NSD3: variants seen among roughly 807,000 people sequenced by gnomAD.
The protein encoded by NSD3 is histone-lysine N-methyltransferase NSD3.
Under a neutral mutation model 160.8 loss-of-function variants are expected in NSD3, and 24 were observed. That is an observed-to-expected ratio of 0.15 (90% CI 0.11 to 0.21). NSD3 has a LOEUF of 0.21. Ranked by LOEUF, NSD3 falls within the 10% of genes least tolerant of loss-of-function variation. The probability of loss-of-function intolerance (pLI) is 1.00; values close to 1 mark genes in which losing one functional copy is unlikely to be tolerated. For missense variants in NSD3, 1,157 were observed against 1,735.9 expected, an observed-to-expected ratio of 0.67 and a Z score of 5.93; for synonymous variants, 520 against 600.0, an observed-to-expected ratio of 0.87 and a Z score of 1.95.
chr8:38,343,289 T>C (rs1476131872), intron 2 of NSD3, among the ~76,000 whole-genome samples: 1 of 152,160 alleles, frequency 6.6e-6, no homozygotes, highest in Admixed American at 6.5e-5. Flanking sequence ...AGTAAAATCA[T>C]AGTCCCTAAA....
chr8:38,283,788 A>G (rs1251068041), intron 19 of NSD3, among the ~76,000 whole-genome samples: 3 of 152,086 alleles, frequency 2.0e-5, no homozygotes, highest in Non-Finnish European at 2.9e-5. Flanking sequence ...TATCTACTGT[A>G]TAAGCTATGA....
chr8:38,280,969 TG>T (rs2130984402), intron 20 of NSD3, among the ~76,000 whole-genome samples: 2 of 152,226 alleles, frequency 1.3e-5, no homozygotes, highest in South Asian at 4.2e-4. Flanking sequence ...TTGCACAGGC[TG>T]GTCTCAAACT....
chr8:38,317,855 C>A lies in NSD3; in HGVS notation c.1855+1040G>T. 6.5e-7 allele frequency: 1 copy of A among 1,548,192 alleles called. No homozygotes were observed. Among genetic ancestry groups the A allele is most frequent in the Non-Finnish European group, 8.7e-7 (1 of 1,145,788 alleles). The stretch of plus-strand genomic sequence containing the variant: ...TGCCAATAATGATGATTGGCGAAAT[C>A]AAAATCGAAAACAAAGAAACTGTTT... On this transcript the variant is annotated intron_variant, in intron 9 of 23. Transcript: ENST00000317025. This position sits in a 1 kb window ranked among gnomAD's most constrained non-coding sequence, Gnocchi z 5.3.
At chr8:38,278,562 G>T in intron 21 of NSD3, 150 bp from the exon 22 acceptor site, 1 of 600,442 alleles carries the variant, frequency 1.7e-6, no homozygotes, top group South Asian at 2.5e-5. Flanking sequence ...TAACAGTGAT[G>T]GTAAAAAAAG....
chr8:38,292,144 T>C (rs1809010070), intron 16 of NSD3, among the ~76,000 whole-genome samples: 1 of 152,262 alleles, frequency 6.6e-6, no homozygotes, highest in Non-Finnish European at 1.5e-5. Context: ...ATTTCTTATC[T>C]AGAAATGTCT....
At position 38,316,788 on chromosome 8, in the gene NSD3, A is replaced by G; in HGVS notation, c.1856-746T>C. The G allele has an allele frequency of 9.4e-7, 1 of 1,060,474 alleles. No individual in the cohort carries two copies. The highest frequency in any genetic ancestry group is 1.1e-6 in the Non-Finnish European group (1 of 876,144). The allele number at this position is 1,060,474 out of a possible 1,614,324, so 65.7% of individuals were successfully genotyped here. On this transcript the variant is annotated intron_variant, in intron 9 of 23. Coordinates refer to ENST00000317025, the MANE Select transcript of NSD3 (RefSeq NM_023034.2). This position sits in a 1 kb window ranked among gnomAD's most constrained non-coding sequence, Gnocchi z 4.5. ...CGGGAAGAAATAAATAGGAAAAAAA[A>G]GGCAGAGAATAGTGTGGAATTGTTT...
chr8:38,275,679 A>G lies in NSD3; in HGVS notation c.4276T>C (p.Trp1426Arg). The G allele has an allele frequency of 1.2e-6, 2 of 1,614,126 alleles. No homozygotes were observed. Among genetic ancestry groups the G allele is most frequent in the Non-Finnish European group, 1.7e-6 (2 of 1,180,032 alleles). Residue 1426 changes from tryptophan to arginine, a missense_variant, in exon 24 of 24, where the codon TGG becomes CGG. Physicochemically the swap from Trp to Arg is moderately radical, Grantham distance 101. This residue lies in a region of NSD3 where 222 missense variants were observed against 409.9 expected (regional missense o/e 0.54). Coordinates refer to ENST00000317025, the MANE Select transcript of NSD3 (RefSeq NM_023034.2). The stretch of plus-strand genomic sequence containing the variant: ...TCTTCTCCATGATCTTGTGATTCCC[A>G]TTTACATTTTATCTTGCTCCAGTAT... ...PEYWSKIKCK[W>R]ESQDHGEEVK...
At position 38,276,507 on chromosome 8, in the gene NSD3, GGAAA is replaced by G. The variant is rs1030043973; in HGVS notation, c.3868-11_3868-8del. The G allele has an allele frequency of 7.4e-6, 12 of 1,613,872 alleles. No homozygotes were observed. Among genetic ancestry groups the G allele is most frequent in the African/African-American group, 1.3e-5 (1 of 74,904 alleles). ...TTGTTGACGCACATGCCGACTGGCA[GGAAA>G]GAAAGGATCATAGTTTCAAACATCA... On this transcript the variant is annotated splice_region_variant and splice_polypyrimidine_tract_variant and intron_variant, in intron 22 of 23. Transcript: ENST00000317025.
intron 2 of NSD3, among the ~76,000 whole-genome samples, chr8:38,346,144 A>G (rs938888353): frequency 2.6e-5 from 4 of 151,200 alleles, no homozygotes; most frequent in African/African-American, 9.7e-5. Flanking sequence ...GTACACACAT[A>G]TACATATATG....
chr8:38,289,003 A>G (rs1343186909), intron 18 of NSD3, among the ~76,000 whole-genome samples: 3 of 152,230 alleles, frequency 2.0e-5, no homozygotes, highest in Non-Finnish European at 2.9e-5. Flanking sequence ...TGGAAATTTC[A>G]TAACTGAAAA....
Position 38,275,151 on chromosome 8 carries a change from C to G in NSD3, c.*490G>C, listed in dbSNP as rs955056201. 7 of 239,034 alleles carry G rather than the reference C, an allele frequency of 2.9e-5. No homozygotes were observed. The highest frequency in any genetic ancestry group is 2.7e-4 in the Admixed American group (5 of 18,548). 14.8% of individuals were successfully genotyped at this position (239,034 alleles called of 1,614,324 possible). ...AAGAGGTATATAAAGCTTATCATAC[C>G]CTTTCCTAGAGGGCTTTCTCAGATT... On this transcript the variant is annotated 3_prime_UTR_variant, in exon 24 of 24. Transcript: ENST00000317025.
In NSD3 at chr8:38,316,092, T is replaced by C. The variant is rs775933824; in HGVS notation, c.1856-50A>G. 9 of 1,594,408 alleles carry C rather than the reference T, an allele frequency of 5.6e-6. No individual in the cohort carries two copies. Among genetic ancestry groups the C allele is most frequent in the Non-Finnish European group, 7.7e-6 (9 of 1,171,816 alleles). On this transcript the variant is annotated intron_variant, in intron 9 of 23. Coordinates refer to ENST00000317025, the MANE Select transcript of NSD3 (RefSeq NM_023034.2). This position sits in a 1 kb window ranked among gnomAD's most constrained non-coding sequence, Gnocchi z 4.5. ...TCCTAAAATAGTACTTAAGGTTTGT[T>C]TTAATTTTTTTGTGTGTGGGAGAAT...
Position 38,288,846 on chromosome 8 carries a change from C to T in NSD3, c.3232-90G>A. The T allele has an allele frequency of 6.7e-7, 1 of 1,485,370 alleles. No individual in the cohort carries two copies. Among genetic ancestry groups the T allele is most frequent in the Non-Finnish European group, 9.1e-7 (1 of 1,093,270 alleles). 92.0% of individuals were successfully genotyped at this position (1,485,370 alleles called of 1,614,324 possible). On this transcript the variant is annotated intron_variant, in intron 18 of 23. Coordinates refer to ENST00000317025, the MANE Select transcript of NSD3 (RefSeq NM_023034.2). The surrounding 1 kb of genome is among the most constrained non-coding windows in gnomAD (Gnocchi z 4.5). ...ACATCTAAAACATCCACGCTACTGC[C>T]TCGTGGTGCTACTCCGAGAAAGGTT...
At position 38,315,915 on chromosome 8, in the gene NSD3, C is replaced by T. The variant is rs200629845; in HGVS notation, c.1983G>A (p.Leu661=). 1.6e-4 allele frequency: 265 copies of T among 1,613,610 alleles called. No homozygotes were observed. The East Asian group carries it at 2.7e-3, about 16-fold the overall frequency. The change falls in exon 10 of 24, where the codon CTG becomes CTA. Residue 661 remains leucine (L), a synonymous_variant. Transcript: ENST00000317025. ...CCAGACCCTTGCACATATTTACCTG[C>T]AGGTCACTCAGTCCTCTAGAATCGG... ...SDSDSRGLSD[L]QVGFGKQVDS...
At position 38,347,563 on chromosome 8, in the gene NSD3, A is replaced by G. The variant is rs773212633; in HGVS notation, c.609T>C (p.His203=). The change falls in exon 2 of 24, where the codon CAT becomes CAC. Residue 203 remains histidine, a synonymous_variant. Coordinates refer to ENST00000317025, the MANE Select transcript of NSD3 (RefSeq NM_023034.2). Reference sequence around the variant, plus strand: ...TGCGCTCTTCAGATCTTGATGAGTCATGCTTGTTGCTTTTTTTCCTCTTTT... The same window carrying G: ...TGCGCTCTTCAGATCTTGATGAGTCGTGCTTGTTGCTTTTTTTCCTCTTTT... ...RKEKRKKSNK[H]DSSRSEERKS... is the part of the protein sequence containing the mutation. 3.7e-6 allele frequency: 6 copies of G among 1,613,872 alleles called. No homozygotes were observed. In the African/African-American group the frequency reaches 6.7e-5, roughly 18 times the overall value.
At chr8:38,310,359 T>C (rs928265904) in intron 12 of NSD3, among the ~76,000 whole-genome samples, 14 of 152,278 alleles carry the variant, frequency 9.2e-5, no homozygotes, top group African/African-American at 3.4e-4. Context: ...TGTATCACAA[T>C]TTATTTTTAA....
intron 16 of NSD3, among the ~76,000 whole-genome samples, chr8:38,293,379 G>A (rs1228958899): frequency 3.3e-5 from 5 of 151,476 alleles, no homozygotes; most frequent in Non-Finnish European, 7.4e-5. Context: ...GTGAAACCCC[G>A]TCTCTACTAA....
chr8:38,329,593 T>G lies in NSD3; in HGVS notation c.1366A>C (p.Thr456Pro). ...GGTGGCTCTTCCTCTTCCGCACTTG[T>G]GTGCCGCCTCTGGCTATGTCTCCGA... Reference protein sequence around the residue: ...EIRRHSQRRHTSAEEEEPPPV... With the variant: ...EIRRHSQRRHPSAEEEEPPPV... Residue 456 changes from threonine to proline, a missense_variant, in exon 6 of 24, where the codon ACA becomes CCA. Thr to Pro is a conservative substitution (Grantham distance 38). Coordinates refer to ENST00000317025, the MANE Select transcript of NSD3 (RefSeq NM_023034.2). This position sits in a 1 kb window ranked among gnomAD's most constrained non-coding sequence, Gnocchi z 4.8. 1 of 1,614,256 alleles carries G rather than the reference T, an allele frequency of 6.2e-7. No individual in the cohort carries two copies. Among genetic ancestry groups the G allele is most frequent in the South Asian group, 1.1e-5 (1 of 91,088 alleles).
intron 2 of NSD3, among the ~76,000 whole-genome samples, chr8:38,344,574 T>TA (rs1313798149): frequency 6.6e-6 from 1 of 152,002 alleles, no homozygotes; most frequent in Non-Finnish European, 1.5e-5. Context: ...TGCCCGGACT[T>TA]AAACATGGAA....
Sources: gnomAD v4.1 joint callset for allele counts (sites outside exome capture counted in the v4.1 genomes callset) on GRCh38, gnomAD v4.1.1 for gene constraint, gnomAD v4.1.1 regional missense constraint, Gnocchi (gnomAD v3.1) non-coding constraint, MANE v1.5 for transcripts, NCBI Gene and HGNC (gene_info 2026-07-23, HGNC 2026-07-21) for gene names.